The following KIF1A variants were observed in gnomAD, a reference collection of about 807,000 sequenced individuals.
KIF1A encodes the protein kinesin-like protein KIF1A.
KIF1A carries 46 observed loss-of-function variants against 227.3 expected under a neutral mutation model. The ratio of observed to expected loss-of-function variants is 0.20; its 90% CI spans 0.16 to 0.26. The LOEUF is 0.26. Among genes scored for constraint, KIF1A ranks in the 10% least tolerant of loss-of-function variants. The pLI, the probability that KIF1A is intolerant of heterozygous loss-of-function variation, is 1.00. For synonymous variants in KIF1A, 1,022 were observed against 1,012.8 expected (o/e 1.01, Z -0.17); for missense variants, 1,683 against 2,485.9 (o/e 0.68, Z 6.87).
Position 240,766,745 on chromosome 2 carries a change from T to A in KIF1A, c.1684+170A>T, listed in dbSNP as rs35575132. Among the ~76,000 whole-genome samples the A allele has an allele frequency of 0.18, 21,860 of 123,842 alleles. 2,030 individuals carry two copies. The highest frequency in any genetic ancestry group is 0.39 in the East Asian group (1,390 of 3,526). 81.2% of individuals were successfully genotyped at this position (123,842 alleles called of 152,430 possible). A position where few individuals can be genotyped will look rare whatever the true frequency, so the allele number is the denominator to read the frequency against. On this transcript the variant is annotated intron_variant, in intron 19 of 48. Coordinates refer to ENST00000498729, the MANE Select transcript of KIF1A (RefSeq NM_001244008.2). The surrounding 1 kb of genome is among the most constrained non-coding windows in gnomAD (Gnocchi z 5.0). ...AAATCTCTCTCTCTCTCTCTCTCTC[T>A]CTCTCACACACACACACACACACAC... is the stretch of plus-strand genomic sequence containing the variant.
In KIF1A at chr2:240,741,278, G is replaced by A; in HGVS notation, c.3740C>T (p.Ala1247Val). 6.3e-7 allele frequency: 1 copy of A among 1,592,310 alleles called. No individual in the cohort carries two copies. The highest frequency in any genetic ancestry group is 1.1e-5 in the South Asian group (1 of 88,044). Reference protein sequence around the residue: ...LVYFEICELEANGDYIPAVVD... With the variant: ...LVYFEICELEVNGDYIPAVVD... ...CAGCACCAGCACTCACTCGCCGTTG[G>A]CCTCCAGCTCACAGATCTCGAAGTA... The change falls in exon 35 of 49, where the codon GCC (alanine) becomes GTC (valine). Residue 1247 changes from alanine (A) to valine (V), a missense_variant. Physicochemically the swap from Ala to Val is moderately conservative, Grantham distance 64. Around this residue, in one of 12 missense-constraint regions of KIF1A, gnomAD observed 759 missense variants for 1,020.2 expected, o/e 0.74. Transcript: ENST00000498729.
intron 4 of KIF1A, among the ~76,000 whole-genome samples, chr2:240,787,840 G>A (rs1419143273): frequency 1.3e-5 from 2 of 152,182 alleles, no homozygotes; most frequent in African/African-American, 4.8e-5. Context: ...CAAGGCCAGG[G>A]CCCTTCCTGC....
chr2:240,749,602 G>T (rs139947023), intron 28 of KIF1A, among the ~76,000 whole-genome samples: 10 of 152,168 alleles, frequency 6.6e-5, no homozygotes, highest in Non-Finnish European at 1.2e-4. Flanking sequence ...CTTCCCTCAC[G>T]GCACAAGCCG....
chr2:240,721,952 G>A, intron 43 of KIF1A, 68 bp from the exon 44 acceptor site: 1 of 1,327,464 alleles, frequency 7.5e-7, no homozygotes, highest in Non-Finnish European at 1.0e-6. Context: ...AGCCTTGCAG[G>A]CTCTTCTACC....
chr2:240,796,440 C>A (rs370090891), intron 2 of KIF1A, among the ~76,000 whole-genome samples: 1 of 152,150 alleles, frequency 6.6e-6, no homozygotes, highest in African/African-American at 2.4e-5. Flanking sequence ...CGGAGGTCAC[C>A]CACTTACGAA....
chr2:240,794,053 C>A (rs1283785417), intron 2 of KIF1A, among the ~76,000 whole-genome samples: 1 of 152,228 alleles, frequency 6.6e-6, no homozygotes, highest in East Asian at 1.9e-4. Context: ...TCCACCCGCA[C>A]CCTCTCATGC....
chr2:240,819,681 C>A (rs2058587523), intron 1 of KIF1A, among the ~76,000 whole-genome samples: 1 of 151,786 alleles, frequency 6.6e-6, no homozygotes, highest in African/African-American at 2.4e-5. Context: ...CCCCGCTCAC[C>A]ATCCCTCCCC....
chr2:240,748,170 A>G (rs953376067), intron 28 of KIF1A, among the ~76,000 whole-genome samples: 7 of 152,176 alleles, frequency 4.6e-5, no homozygotes, highest in African/African-American at 1.7e-4. Context: ...TTCCCAGTAT[A>G]TGACATGGGA....
chr2:240,812,148 T>C (rs1324331427), intron 1 of KIF1A, among the ~76,000 whole-genome samples: 1 of 152,116 alleles, frequency 6.6e-6, no homozygotes, highest in African/African-American at 2.4e-5. Context: ...GAGGGCAGGG[T>C]GGCCCCGGAG....
Position 240,789,283 on chromosome 2 carries a change from T to G in KIF1A, c.136A>C (p.Thr46Pro), listed in dbSNP as rs2126098737. The G allele has an allele frequency of 6.2e-7, 1 of 1,613,818 alleles. No individual in the cohort carries two copies. The highest frequency in any genetic ancestry group is 8.5e-7 in the Non-Finnish European group (1 of 1,179,780). ...TIVNPKQPKE[T>P]PKSFSFDYSY... ...TAGTCAAAGCTGAAGCTTTTGGGCGTCTCCTTGGGCTGTTTGGGGTTAACA... is the reference window on the plus strand; with the variant it reads ...TAGTCAAAGCTGAAGCTTTTGGGCGGCTCCTTGGGCTGTTTGGGGTTAACA... The change falls in exon 3 of 49, where the codon ACG becomes CCG. Residue 46 changes from threonine to proline, a missense_variant. Physicochemically the swap from Thr to Pro is conservative, Grantham distance 38 (BLOSUM62 -1). Transcript: ENST00000498729. This position sits in a 1 kb window ranked among gnomAD's most constrained non-coding sequence, Gnocchi z 4.8.
chr2:240,719,655 C>A (rs1168326987), intron 46 of KIF1A, 119 bp downstream of exon 46: 1 of 1,216,010 alleles, frequency 8.2e-7, no homozygotes. Flanking sequence ...CATCAGGCAA[C>A]CTGTCTGTCT....
At chr2:240,809,026 A>G (rs2057659750) in intron 1 of KIF1A, among the ~76,000 whole-genome samples, 1 of 152,230 alleles carries the variant, frequency 6.6e-6, no homozygotes, top group Non-Finnish European at 1.5e-5. Flanking sequence ...CACCACGCCC[A>G]GCCGTCACTA....
In KIF1A at chr2:240,763,048, C is replaced by T. The variant is rs780686801; in HGVS notation, c.1993G>A (p.Ala665Thr). Residue 665 changes from alanine to threonine, a missense_variant, in exon 22 of 49, where the codon GCC becomes ACC. By Grantham distance (58) the Ala-to-Thr change is moderately conservative (BLOSUM62 0). Around this residue, in one of 12 missense-constraint regions of KIF1A, gnomAD observed 217 missense variants for 427.0 expected, o/e 0.51. Transcript: ENST00000498729. ...CGCTGCTGCTCCAGCAGGTAGGTGGCCTCCTCCCGCTCGCGGCGGTACTGG... is the reference window on the plus strand; with the variant it reads ...CGCTGCTGCTCCAGCAGGTAGGTGGTCTCCTCCCGCTCGCGGCGGTACTGG... ...EDQYRREREE[A>T]TYLLEQQRLD... is the part of the protein sequence containing the mutation. 1.3e-6 allele frequency: 2 copies of T among 1,534,390 alleles called. No homozygotes were observed. Among genetic ancestry groups the T allele is most frequent in the Non-Finnish European group, 1.8e-6 (2 of 1,142,508 alleles).
chr2:240,782,645 G>A, intron 9 of KIF1A, 38 bp from the exon 10 acceptor site: 9 of 1,549,974 alleles, frequency 5.8e-6, no homozygotes, highest in South Asian at 2.4e-5. Flanking sequence ...GAGGCCCGGA[G>A]CGAAGCTGGC....
intron 1 of KIF1A, among the ~76,000 whole-genome samples, chr2:240,812,935 CG>C (rs2058030919): frequency 6.8e-6 from 1 of 146,946 alleles, no homozygotes; most frequent in South Asian, 2.2e-4. Context: ...GCCTTCACCT[CG>C]GGGATCCGCC....
chr2:240,771,205 C>A, intron 14 of KIF1A, 101 bp from the exon 15 acceptor site: 2 of 1,385,430 alleles, frequency 1.4e-6, no homozygotes, highest in Admixed American at 1.8e-5. Context: ...GTAGGGCGGG[C>A]AGACAGACAG....
At chr2:240,767,193 T>C in intron 18 of KIF1A, 73 bp downstream of exon 18, 2 of 1,311,058 alleles carry the variant, frequency 1.5e-6, no homozygotes, top group South Asian at 1.2e-5. Context: ...GAAGCAGGAA[T>C]GGGGAGTCCA....
intron 1 of KIF1A, among the ~76,000 whole-genome samples, chr2:240,815,052 T>C (rs565938737): frequency 6.6e-6 from 1 of 152,224 alleles, no homozygotes; most frequent in African/African-American, 2.4e-5. Context: ...CCTAGCCCAC[T>C]GCAGCCACTA....
chr2:240,790,150 C>T lies in KIF1A; in HGVS notation c.107-838G>A, dbSNP rs1200184202. Reference sequence around the variant, plus strand: ...GGACGGGCCTGGACCCTGCAGACTGCATGTCCTCAGTGGCCGGAAGGACAG... The same window carrying T: ...GGACGGGCCTGGACCCTGCAGACTGTATGTCCTCAGTGGCCGGAAGGACAG... On this transcript the variant is annotated intron_variant, in intron 2 of 48. Coordinates refer to ENST00000498729, the MANE Select transcript of KIF1A (RefSeq NM_001244008.2). This position sits in a 1 kb window ranked among gnomAD's most constrained non-coding sequence, Gnocchi z 5.0. Among the ~76,000 whole-genome samples the T allele has an allele frequency of 1.3e-5, 2 of 152,188 alleles. No individual in the cohort carries two copies. The highest frequency in any genetic ancestry group is 2.1e-4 in the South Asian group (1 of 4,830).
Sources: gnomAD v4.1 joint callset for allele counts (sites outside exome capture counted in the v4.1 genomes callset) on GRCh38, gnomAD v4.1.1 for gene constraint, gnomAD v4.1.1 regional missense constraint, Gnocchi (gnomAD v3.1) non-coding constraint, MANE v1.5 for transcripts, NCBI Gene and HGNC (gene_info 2026-07-23, HGNC 2026-07-21) for gene names.